The following FRMD4A variants were observed in gnomAD, a reference collection of about 807,000 sequenced individuals.
FRMD4A encodes FERM domain containing 4A.
FRMD4A carries 29 observed loss-of-function variants against 129.1 expected under a neutral mutation model. The ratio of observed to expected loss-of-function variants is 0.22; its 90% CI spans 0.17 to 0.31. FRMD4A has a LOEUF of 0.31. Ranked by LOEUF, FRMD4A falls within the 10% of genes least tolerant of loss-of-function variation. The pLI, the probability that FRMD4A is intolerant of heterozygous loss-of-function variation, is 1.00. For synonymous variants in FRMD4A, 634 were observed against 571.6 expected (o/e 1.11, Z -1.56); for missense variants, 1,272 against 1,375.8 (o/e 0.92, Z 1.19).
At chr10:13,996,203 T>C (rs2095622034) in intron 2 of FRMD4A, among the ~76,000 whole-genome samples, 1 of 152,200 alleles carries the variant, frequency 6.6e-6, no homozygotes, top group Non-Finnish European at 1.5e-5. Flanking sequence ...GCCATTACTT[T>C]AGGGGATAGG....
intron 2 of FRMD4A, among the ~76,000 whole-genome samples, chr10:13,953,141 C>T (rs1379251037): frequency 2.0e-5 from 3 of 152,204 alleles, no homozygotes; most frequent in African/African-American, 7.2e-5. Flanking sequence ...AAGGCCCCTG[C>T]TTTTATGATA....
At chr10:13,953,944 C>A (rs2095391419) in intron 2 of FRMD4A, among the ~76,000 whole-genome samples, 1 of 152,066 alleles carries the variant, frequency 6.6e-6, no homozygotes, top group South Asian at 2.1e-4. Context: ...AAGAACTCAG[C>A]ATCATCATCA....
intron 4 of FRMD4A, among the ~76,000 whole-genome samples, chr10:13,809,169 T>C (rs1352630902): frequency 6.6e-6 from 1 of 152,118 alleles, no homozygotes; most frequent in Non-Finnish European, 1.5e-5. Context: ...TCTACCTAGG[T>C]CCGATTCCTG....
chr10:14,109,229 C>T (rs900454789), intron 2 of FRMD4A, among the ~76,000 whole-genome samples: 1 of 147,616 alleles, frequency 6.8e-6, no homozygotes, highest in Non-Finnish European at 1.5e-5. Flanking sequence ...AAAAAAAAGC[C>T]TCCAAAGAAG....
chr10:13,646,961 T>C lies in FRMD4A; in HGVS notation c.*77A>G. The C allele has an allele frequency of 1.0e-5, 10 of 983,864 alleles. No homozygotes were observed. The highest frequency in any genetic ancestry group is 1.2e-5 in the Non-Finnish European group (10 of 828,144). The allele number at this position is 983,864 out of a possible 1,614,324, so 60.9% of individuals were successfully genotyped here. A position where few individuals can be genotyped will look rare whatever the true frequency, so the allele number is the denominator to read the frequency against. ...CACGAGGGTCCCGGGCTTGGCTTTT[T>C]CCTGCCCGTACCACTGGACATCAGC... On this transcript the variant is annotated 3_prime_UTR_variant, in exon 25 of 25. Coordinates refer to ENST00000357447, the MANE Select transcript of FRMD4A (RefSeq NM_018027.5).
At chr10:14,227,243 CTTTTTTT>C (rs10674411) in intron 2 of FRMD4A, among the ~76,000 whole-genome samples, 21 of 64,132 alleles carry the variant, frequency 3.3e-4, no homozygotes, top group African/African-American at 4.4e-4. Context: ...TCTTCTTCTT[CTTTTTTT>C]TTTTTTTTTT....
chr10:13,990,197 A>G (rs1373805177), intron 2 of FRMD4A, among the ~76,000 whole-genome samples: 2 of 152,208 alleles, frequency 1.3e-5, no homozygotes, highest in Non-Finnish European at 2.9e-5. Flanking sequence ...CAGAGGAGAA[A>G]ACAGCTGCAT....
chr10:13,902,802 T>C (rs2094835993), intron 2 of FRMD4A, among the ~76,000 whole-genome samples: 1 of 146,048 alleles, frequency 6.8e-6, no homozygotes, highest in Non-Finnish European at 1.5e-5. Flanking sequence ...ATCACGCCAC[T>C]GCACTCCAGC....
chr10:14,238,460 A>C (rs145592396), intron 2 of FRMD4A, among the ~76,000 whole-genome samples: 191 of 152,244 alleles, frequency 1.3e-3, no homozygotes, highest in African/African-American at 4.4e-3. Flanking sequence ...ATCTTTTAAC[A>C]TATCTTTTTC....
In FRMD4A at chr10:14,124,611, G is replaced by A. The variant is rs572437024; in HGVS notation, c.45+205447C>T. ...GAATCTCGTGAACCCAGGAGGCGGA[G>A]GTTGCAGTGAGCCGAGATCATGCCA... is the stretch of plus-strand genomic sequence containing the variant. On this transcript the variant is annotated intron_variant, in intron 2 of 24. Coordinates refer to ENST00000357447, the MANE Select transcript of FRMD4A (RefSeq NM_018027.5). Among the ~76,000 whole-genome samples the A allele has an allele frequency of 2.6e-5, 4 of 152,264 alleles. No homozygotes were observed. The South Asian group carries it at 6.2e-4, about 24-fold the overall frequency.
chr10:14,047,193 T>A (rs985296461), intron 2 of FRMD4A, among the ~76,000 whole-genome samples: 1 of 152,176 alleles, frequency 6.6e-6, no homozygotes, highest in Non-Finnish European at 1.5e-5. Flanking sequence ...AATTGCTTCA[T>A]TTTACCGTCT....
At chr10:14,323,505 T>G (rs1018664) in intron 2 of FRMD4A, among the ~76,000 whole-genome samples, 72,094 of 152,038 alleles carry the variant, frequency 0.47, 17,961 homozygotes, top group Non-Finnish European at 0.56. Context: ...CACTGATGCT[T>G]TACCTCCCTG....
intron 2 of FRMD4A, among the ~76,000 whole-genome samples, chr10:13,994,812 G>T (rs1237589840): frequency 6.6e-6 from 1 of 152,204 alleles, no homozygotes; most frequent in Non-Finnish European, 1.5e-5. Flanking sequence ...TGGCACAGCT[G>T]AGTAGTAGCT....
intron 2 of FRMD4A, among the ~76,000 whole-genome samples, chr10:14,131,659 T>C (rs10906611): frequency 0.27 from 41,307 of 152,022 alleles, 5,760 homozygotes; most frequent in African/African-American, 0.33. Context: ...TATTTGGGCA[T>C]AGACAAAAAC....
chr10:14,216,702 T>C lies in FRMD4A; in HGVS notation c.45+113356A>G, dbSNP rs150915113. On this transcript the variant is annotated intron_variant, in intron 2 of 24. Transcript: ENST00000357447. Reference sequence around the variant, plus strand: ...TCAGATTCCCAAGACAGGAACCAAATCGTTAAACTCTTTGTCTCCAGAACC... The same window carrying C: ...TCAGATTCCCAAGACAGGAACCAAACCGTTAAACTCTTTGTCTCCAGAACC... Among the ~76,000 whole-genome samples the C allele has an allele frequency of 3.5e-3, 532 of 152,128 alleles. 2 individuals are homozygous for C. The highest frequency in any genetic ancestry group is 0.012 in the African/African-American group (503 of 41,518).
chr10:13,750,057 GAAGGAAGGAAGGAAGAAAGAAAGAAAGA>G, intron 8 of FRMD4A, among the ~76,000 whole-genome samples: 1 of 54,686 alleles, frequency 1.8e-5, no homozygotes, highest in East Asian at 5.5e-4. Context: ...AGGAAGGAAG[GAAGGAAGGAAGGAAGAAAGAAAGAAAGA>G]AAGAAAGAAA....
At chr10:14,094,491 T>C (rs914309094) in intron 2 of FRMD4A, among the ~76,000 whole-genome samples, 2 of 152,134 alleles carry the variant, frequency 1.3e-5, no homozygotes, top group Non-Finnish European at 2.9e-5. Context: ...GCAAAGGCTG[T>C]AGTCTCCTTT....
At chr10:13,915,299 C>T (rs1007795016) in intron 2 of FRMD4A, among the ~76,000 whole-genome samples, 3 of 151,832 alleles carry the variant, frequency 2.0e-5, no homozygotes, top group Non-Finnish European at 4.4e-5. Context: ...AACTGGAGCA[C>T]GGTTTTCTTC....
rs182979641 is a variant in FRMD4A, at chr10:14,146,042, C to A, written c.45+184016G>T. ...GCAAACGGCTTAGTGGTTAAAAGCTCTGCCCTTCGCTGGCTGTGTGACCTT... is the reference window on the plus strand; with the variant it reads ...GCAAACGGCTTAGTGGTTAAAAGCTATGCCCTTCGCTGGCTGTGTGACCTT... On this transcript the variant is annotated intron_variant, in intron 2 of 24. Transcript: ENST00000357447. Among the ~76,000 whole-genome samples, 260 of 152,312 alleles carry A rather than the reference C, an allele frequency of 1.7e-3. 1 individual carries two copies. The highest frequency in any genetic ancestry group is 6.1e-3 in the African/African-American group (255 of 41,566).
Sources: gnomAD v4.1 joint callset for allele counts (sites outside exome capture counted in the v4.1 genomes callset) on GRCh38, gnomAD v4.1.1 for gene constraint, MANE v1.5 for transcripts, NCBI Gene and HGNC (gene_info 2026-07-23, HGNC 2026-07-21) for gene names.